Variants in SLC12A8 observed in about 807,000 individuals in gnomAD.
SLC12A8 encodes the protein cation-chloride cotransporter 9.
In SLC12A8, 69 loss-of-function variants were observed where a neutral mutation model predicts 75.6. The ratio of observed to expected loss-of-function variants is 0.91; its 90% CI spans 0.75 to 1.11. SLC12A8 has a LOEUF of 1.11. Ranked by LOEUF, SLC12A8 falls within the 50% of genes most tolerant of loss-of-function variation. The pLI is 0.00. For missense variants in SLC12A8, 877 were observed against 896.7 expected (o/e 0.98, Z 0.28); for synonymous variants, 365 against 372.8 (o/e 0.98, Z 0.24).
intron 10 of SLC12A8, among the ~76,000 whole-genome samples, chr3:125,106,854 C>A (rs6808008): frequency 0.029 from 4,453 of 152,226 alleles, 173 homozygotes; most frequent in South Asian, 0.092. Context: ...GACACAAGGT[C>A]TTACTTGTAA....
Position 125,211,213 on chromosome 3 carries a change from G to A in SLC12A8, c.51+86C>T, listed in dbSNP as rs905740814. The A allele has an allele frequency of 8.6e-5, 92 of 1,075,456 alleles. No homozygotes were observed. In the East Asian group the frequency reaches 1.6e-3, roughly 18 times the overall value. The allele number at this position is 1,075,456 out of a possible 1,614,324, so 66.6% of individuals were successfully genotyped here. A position where few individuals can be genotyped will look rare whatever the true frequency, so the allele number is the denominator to read the frequency against. ...GGAGTTAATTACATCTAAAGGGTGC[G>A]CTGTAATGTTTGCATCCAGCCCACT... On this transcript the variant is annotated intron_variant, in intron 2 of 13. Transcript: ENST00000469902.
chr3:125,132,249 C>T (rs1236357991), intron 6 of SLC12A8, among the ~76,000 whole-genome samples: 1 of 152,178 alleles, frequency 6.6e-6, no homozygotes, highest in African/African-American at 2.4e-5. Context: ...CGGAGACTGA[C>T]TCTTTTTGTT....
intron 6 of SLC12A8, among the ~76,000 whole-genome samples, chr3:125,121,182 C>T (rs1933050317): frequency 6.6e-6 from 1 of 152,212 alleles, no homozygotes; most frequent in African/African-American, 2.4e-5. Context: ...TTGAAATAAA[C>T]TCCAAAAAAA....
rs750204325 is a variant in SLC12A8 at position 125,107,811 on chromosome 3, T to C, written c.1375A>G (p.Thr459Ala). 6.2e-7 allele frequency: 1 copy of C among 1,614,116 alleles called. No individual in the cohort carries two copies. The highest frequency in any genetic ancestry group is 8.5e-7 in the Non-Finnish European group (1 of 1,180,008). Residue 459 changes from threonine (T) to alanine (A), a missense_variant, in exon 10 of 14, where the codon ACC becomes GCC. By Grantham distance (58) the Thr-to-Ala change is moderately conservative. Transcript: ENST00000469902. ...TGGAGGAGCTGATCCATGTCCTTGGTGAATTCCAGTAGCGTGCCCTCCAAG... is the reference window on the plus strand; with the variant it reads ...TGGAGGAGCTGATCCATGTCCTTGGCGAATTCCAGTAGCGTGCCCTCCAAG... ...RVLEGTLLEF[T>A]KDMDQLLQLT...
rs1333707388 is a variant in SLC12A8, at chr3:125,140,480, C to A, written c.623-4698G>T. Among the ~76,000 whole-genome samples the A allele has an allele frequency of 4.6e-5, 7 of 152,268 alleles. No homozygotes were observed. In the South Asian group the frequency reaches 1.5e-3, roughly 32 times the overall value. ...GCCTTTCAGCCCCAGGAAACATGCC[C>A]ACAGAGATCATGGCATCTCCCCCGG... On this transcript the variant is annotated intron_variant, in intron 5 of 13. Coordinates refer to ENST00000469902, the MANE Select transcript of SLC12A8 (RefSeq NM_024628.6).
At chr3:125,138,282 T>A (rs997288555) in intron 5 of SLC12A8, among the ~76,000 whole-genome samples, 3 of 152,048 alleles carry the variant, frequency 2.0e-5, no homozygotes, top group Non-Finnish European at 4.4e-5. Context: ...GTGCCTGTAG[T>A]CCCCGCTACT....
intron 5 of SLC12A8, among the ~76,000 whole-genome samples, chr3:125,150,968 T>TCA (rs1176109149): frequency 7.9e-5 from 12 of 152,022 alleles, no homozygotes; most frequent in East Asian, 7.7e-4. Context: ...GGAAACGCGC[T>TCA]CACACACACA....
At chr3:125,147,777 T>C (rs1933821552) in intron 5 of SLC12A8, among the ~76,000 whole-genome samples, 2 of 152,188 alleles carry the variant, frequency 1.3e-5, no homozygotes, top group African/African-American at 2.4e-5. Flanking sequence ...ACTACCTTGC[T>C]ATGCAAAGTA....
intron 6 of SLC12A8, among the ~76,000 whole-genome samples, chr3:125,134,860 G>A (rs1277097072): frequency 6.6e-6 from 1 of 152,246 alleles, no homozygotes; most frequent in Non-Finnish European, 1.5e-5. Context: ...AGAGAGACAA[G>A]GAGACAAGAC....
chr3:125,176,992 T>G (rs1198054842), intron 5 of SLC12A8, among the ~76,000 whole-genome samples: 1 of 151,882 alleles, frequency 6.6e-6, no homozygotes, highest in South Asian at 2.1e-4. Context: ...CCCAAAGGAT[T>G]ATAAATCATG....
intron 5 of SLC12A8, among the ~76,000 whole-genome samples, chr3:125,173,927 A>C (rs1337738982): frequency 6.6e-6 from 1 of 152,086 alleles, no homozygotes; most frequent in African/African-American, 2.4e-5. Flanking sequence ...CCCATCTCTG[A>C]TAAAAATACA....
At chr3:125,136,320 C>G (rs1014859368) in intron 5 of SLC12A8, among the ~76,000 whole-genome samples, 1 of 152,162 alleles carries the variant, frequency 6.6e-6, no homozygotes, top group Non-Finnish European at 1.5e-5. Flanking sequence ...ACCCCCCTGC[C>G]TTCGTTAGGC....
intron 13 of SLC12A8, among the ~76,000 whole-genome samples, chr3:125,087,106 T>G (rs1938478632): frequency 6.6e-6 from 1 of 151,232 alleles, no homozygotes; most frequent in Non-Finnish European, 1.5e-5. Context: ...TTTTTTTTTT[T>G]TTTTTTGAGA....
chr3:125,184,856 C>G (rs1371321005), intron 4 of SLC12A8, among the ~76,000 whole-genome samples: 2 of 151,914 alleles, frequency 1.3e-5, no homozygotes, highest in South Asian at 2.1e-4. Flanking sequence ...ATAATTAGTT[C>G]TTTGTAAACA....
At chr3:125,100,675 T>C (rs1189061614) in intron 10 of SLC12A8, among the ~76,000 whole-genome samples, 1 of 150,732 alleles carries the variant, frequency 6.6e-6, no homozygotes, top group African/African-American at 2.4e-5. Context: ...CCCAAAGTGC[T>C]GGGATTACAG....
intron 5 of SLC12A8, among the ~76,000 whole-genome samples, chr3:125,157,783 G>A (rs1035002802): frequency 6.6e-6 from 1 of 152,100 alleles, no homozygotes; most frequent in Non-Finnish European, 1.5e-5. Context: ...CAAGGTCAAG[G>A]TTCTTCCACT....
At chr3:125,096,623 G>T in intron 10 of SLC12A8, among the ~76,000 whole-genome samples, 1 of 152,014 alleles carries the variant, frequency 6.6e-6, no homozygotes, top group East Asian at 1.9e-4. Context: ...CAGGGATAAG[G>T]ACCCTCTTTT....
intron 2 of SLC12A8, among the ~76,000 whole-genome samples, chr3:125,204,318 G>T (rs577557436): frequency 6.4e-4 from 98 of 152,260 alleles, no homozygotes; most frequent in South Asian, 2.1e-3. Context: ...AATAGCAAAA[G>T]GAGTCAACCT....
chr3:125,157,001 G>T (rs1171798191), intron 5 of SLC12A8, among the ~76,000 whole-genome samples: 2 of 152,152 alleles, frequency 1.3e-5, no homozygotes, highest in Admixed American at 1.3e-4. Flanking sequence ...GAGAGACTAA[G>T]AAAATTCTCA....
Sources: gnomAD v4.1 joint callset for allele counts (sites outside exome capture counted in the v4.1 genomes callset) on GRCh38, gnomAD v4.1.1 for gene constraint, MANE v1.5 for transcripts, NCBI Gene and HGNC (gene_info 2026-07-23, HGNC 2026-07-21) for gene names.